FSTL5: variants seen among roughly 807,000 people sequenced by gnomAD.
The protein encoded by FSTL5 is follistatin like 5, also known as follistatin-related protein 5.
Under a neutral mutation model 89.1 loss-of-function variants are expected in FSTL5, and 62 were observed. The ratio of observed to expected loss-of-function variants is 0.70; its 90% CI spans 0.57 to 0.86. The LOEUF is 0.86. Among genes scored for constraint, FSTL5 ranks in the 40% least tolerant of loss-of-function variants. The pLI is 0.00. For missense variants in FSTL5, 1,057 were observed against 1,001.6 expected (o/e 1.06, Z -0.75); for synonymous variants, 383 against 346.2 (o/e 1.11, Z -1.18).
intron 7 of FSTL5, among the ~76,000 whole-genome samples, chr4:161,652,073 C>T (rs10028527): frequency 0.017 from 2,539 of 152,186 alleles, 76 homozygotes; most frequent in African/African-American, 0.057. Context: ...AATCGGGCTA[C>T]GTAAAAATCC....
Position 162,066,340 on chromosome 4 carries a change from TCTTCTTCTTCTTCTC to T in FSTL5, c.127-32697_127-32683del, listed in dbSNP as rs1291603940. ...TTCTTCTTCTTCTTCTTCTTCTTCT[TCTTCTTCTTCTTCTC>T]CTTCTTCTTCTTCTTCTCCTTCTTC... On this transcript the variant is annotated intron_variant, in intron 2 of 15. Transcript: ENST00000306100. Among the ~76,000 whole-genome samples, 1,256 of 133,368 alleles carry T rather than the reference TCTTCTTCTTCTTCTC, an allele frequency of 9.4e-3. 9 individuals are homozygous for T. Among genetic ancestry groups the T allele is most frequent in the East Asian group, 0.061 (206 of 3,402 alleles). 87.5% of individuals were successfully genotyped at this position (133,368 alleles called of 152,430 possible). A position where few individuals can be genotyped will look rare whatever the true frequency, so the allele number is the denominator to read the frequency against.
At chr4:161,917,313 A>G (rs752237552) in intron 4 of FSTL5, among the ~76,000 whole-genome samples, 8 of 152,236 alleles carry the variant, frequency 5.3e-5, no homozygotes, top group Admixed American at 5.2e-4. Flanking sequence ...AACAGGACTT[A>G]CCTTGAAGTG....
intron 1 of FSTL5, among the ~76,000 whole-genome samples, chr4:162,123,618 AAAAC>A (rs1731954922): frequency 6.6e-6 from 1 of 151,152 alleles, no homozygotes; most frequent in Non-Finnish European, 1.5e-5. Context: ...TGGTTTAACC[AAAAC>A]AGACAAGAAG....
chr4:161,471,754 T>C (rs10003314), intron 13 of FSTL5, among the ~76,000 whole-genome samples: 192 of 152,320 alleles, frequency 1.3e-3, no homozygotes, highest in African/African-American at 4.5e-3. Context: ...TATTTTTTTC[T>C]ATTTTAATTT....
chr4:162,089,587 TA>T (rs1561012628), intron 2 of FSTL5, among the ~76,000 whole-genome samples: 1 of 135,636 alleles, frequency 7.4e-6, no homozygotes, highest in Non-Finnish European at 1.5e-5. Context: ...GAGCCGAGAT[TA>T]AGCCACTGAA....
intron 2 of FSTL5, among the ~76,000 whole-genome samples, chr4:162,107,173 T>C (rs1440342744): frequency 1.3e-5 from 2 of 152,222 alleles, no homozygotes; most frequent in Non-Finnish European, 2.9e-5. Flanking sequence ...GTACTCATTC[T>C]GTAACCTCTA....
chr4:161,389,911 G>C lies in FSTL5; in HGVS notation c.1842-3462C>G, dbSNP rs956893494. Among the ~76,000 whole-genome samples the C allele has an allele frequency of 2.0e-5, 3 of 152,212 alleles. No homozygotes were observed. The South Asian group carries it at 6.2e-4, about 32-fold the overall frequency. ...CCACAAACTTATTATCAATTTTTCT[G>C]TGCAGGTAATATTCTTACAACGTTA... On this transcript the variant is annotated intron_variant, in intron 15 of 15. Coordinates refer to ENST00000306100, the MANE Select transcript of FSTL5 (RefSeq NM_020116.5).
chr4:161,400,649 G>A (rs1049219450), intron 15 of FSTL5, among the ~76,000 whole-genome samples: 1 of 151,966 alleles, frequency 6.6e-6, no homozygotes, highest in Non-Finnish European at 1.5e-5. Context: ...GTATAAGAAA[G>A]GGCATAGTTA....
At chr4:161,552,359 G>A (rs1732244996) in intron 8 of FSTL5, 1 of 151,778 alleles carries the variant, frequency 6.6e-6, no homozygotes. Flanking sequence ...AGTCTTTGGA[G>A]CAGCAAAAAA....
intron 2 of FSTL5, among the ~76,000 whole-genome samples, chr4:162,048,585 A>G (rs1254042223): frequency 8.8e-6 from 1 of 113,822 alleles, no homozygotes; most frequent in Non-Finnish European, 1.7e-5. Flanking sequence ...TACATTTAAT[A>G]CCATTATACA....
intron 6 of FSTL5, among the ~76,000 whole-genome samples, chr4:161,707,529 A>G (rs889383680): frequency 6.6e-6 from 1 of 151,936 alleles, no homozygotes; most frequent in Non-Finnish European, 1.5e-5. Context: ...CACTGCATAT[A>G]ATACTTCTAT....
At chr4:161,727,312 ATTG>A (rs1033983562) in intron 6 of FSTL5, among the ~76,000 whole-genome samples, 8 of 152,154 alleles carry the variant, frequency 5.3e-5, no homozygotes, top group Non-Finnish European at 1.2e-4. Flanking sequence ...AATGATTTGA[ATTG>A]TTGTTAGTCC....
chr4:161,505,761 A>T (rs909081973), intron 11 of FSTL5, among the ~76,000 whole-genome samples: 11 of 152,176 alleles, frequency 7.2e-5, no homozygotes, highest in Non-Finnish European at 5.9e-5. Context: ...ACATGTGCAC[A>T]TATATAGATA....
At chr4:161,989,968 C>T (rs1736066920) in intron 3 of FSTL5, among the ~76,000 whole-genome samples, 3 of 152,122 alleles carry the variant, frequency 2.0e-5, no homozygotes, top group Non-Finnish European at 1.5e-5. Context: ...ATTGTCCAAA[C>T]TCCTAGGACA....
At chr4:162,132,422 C>T (rs1040296651) in intron 1 of FSTL5, among the ~76,000 whole-genome samples, 1 of 152,094 alleles carries the variant, frequency 6.6e-6, no homozygotes, top group Non-Finnish European at 1.5e-5. Flanking sequence ...CTCCTGAAGC[C>T]AGCGAGACCA....
At chr4:162,078,347 T>G (rs986207346) in intron 2 of FSTL5, among the ~76,000 whole-genome samples, 1 of 152,012 alleles carries the variant, frequency 6.6e-6, no homozygotes, top group Non-Finnish European at 1.5e-5. Flanking sequence ...GGTCTTACCA[T>G]GAATCCCAAC....
chr4:161,890,615 GT>G (rs1732955748), intron 4 of FSTL5, among the ~76,000 whole-genome samples: 1 of 150,200 alleles, frequency 6.7e-6, no homozygotes, highest in South Asian at 2.1e-4. Context: ...TTGAACCCGG[GT>G]GGTGGAGGTT....
intron 8 of FSTL5, among the ~76,000 whole-genome samples, chr4:161,552,938 T>C (rs1732265673): frequency 6.6e-6 from 1 of 151,632 alleles, no homozygotes; most frequent in Non-Finnish European, 1.5e-5. Flanking sequence ...CATTTTTAGC[T>C]AGGAAGTGCA....
intron 15 of FSTL5, among the ~76,000 whole-genome samples, chr4:161,389,875 T>A (rs2110871954): frequency 6.6e-6 from 1 of 152,242 alleles, no homozygotes; most frequent in East Asian, 1.9e-4. Context: ...AACCCAAGGA[T>A]GAGAAAAATA....
Sources: gnomAD v4.1 joint callset for allele counts (sites outside exome capture counted in the v4.1 genomes callset) on GRCh38, gnomAD v4.1.1 for gene constraint, MANE v1.5 for transcripts, NCBI Gene and HGNC (gene_info 2026-07-23, HGNC 2026-07-21) for gene names.